The following GSDMC variants were observed in gnomAD, a reference collection of about 807,000 sequenced individuals.
GSDMC encodes the protein gasdermin-C.
In GSDMC, 59 loss-of-function variants were observed where a neutral mutation model predicts 58.0. The observed-to-expected ratio is 1.02, with a 90% CI of 0.82 to 1.26. The LOEUF is 1.26. Ranked by LOEUF, GSDMC falls within the 50% of genes most tolerant of loss-of-function variation. GSDMC has a pLI of 0.00. For missense variants in GSDMC, 659 were observed against 598.5 expected (o/e 1.10, Z -1.06); for synonymous variants, 241 against 220.2 (o/e 1.09, Z -0.83).
chr8:129,753,991 A>G (rs2033329961), intron 6 of GSDMC, among the ~76,000 whole-genome samples: 1 of 152,232 alleles, frequency 6.6e-6, no homozygotes, highest in Admixed American at 6.5e-5. Context: ...AGAGCAGAAC[A>G]TAAGGTAAAT....
chr8:129,749,387 C>T (rs574500485), intron 13 of GSDMC, 65 bp downstream of exon 13: 5 of 1,152,584 alleles, frequency 4.3e-6, no homozygotes, highest in Non-Finnish European at 6.6e-6. Context: ...TCCTCAGAAT[C>T]ATTCTTCTTA....
chr8:129,751,976 C>A, intron 8 of GSDMC, 85 bp from the exon 9 acceptor site: 1 of 1,474,314 alleles, frequency 6.8e-7, no homozygotes, highest in Non-Finnish European at 9.5e-7. Context: ...CTGAACCACT[C>A]TTCTCTATCT....
the GSDMC span, among the ~76,000 whole-genome samples, chr8:129,726,547 C>A: frequency 7.9e-5 from 12 of 152,282 alleles, no homozygotes; most frequent in African/African-American, 2.4e-4. Flanking sequence ...TAGTCACTGT[C>A]ATTTTATAGA....
At chr8:129,755,264 C>G (rs1345275161) in intron 6 of GSDMC, among the ~76,000 whole-genome samples, 1 of 152,068 alleles carries the variant, frequency 6.6e-6, no homozygotes, top group Non-Finnish European at 1.5e-5. Context: ...ATATGTCTGG[C>G]AGCAGACTTT....
the GSDMC span, among the ~76,000 whole-genome samples, chr8:129,708,746 G>A: frequency 5.3e-5 from 8 of 152,380 alleles, no homozygotes; most frequent in South Asian, 4.1e-4. Context: ...TGGGAATGCC[G>A]TCCTTAACTA....
chr8:129,750,155 T>A (rs2033124360), intron 11 of GSDMC, 36 bp from the exon 12 acceptor site: 1 of 1,437,452 alleles, frequency 7.0e-7, no homozygotes, highest in Non-Finnish European at 9.4e-7. Context: ...ATAATAATAC[T>A]AATAACAGTA....
In GSDMC at chr8:129,748,707, G is replaced by T; in HGVS notation, c.1321C>A (p.Pro441Thr). Reference sequence around the variant, plus strand: ...TTGAGGGTGAAGGGAATGCTCCAGGGGTATCTGAAGTTTGGCTCCAGGATG... The same window carrying T: ...TTGAGGGTGAAGGGAATGCTCCAGGTGTATCTGAAGTTTGGCTCCAGGATG... ...RSILEPNFRY[P>T]WSIPFTLKPE... is the part of the protein sequence containing the mutation. The change falls in exon 14 of 14, where the codon CCC becomes ACC. Residue 441 changes from proline to threonine, a missense_variant. Pro to Thr is a conservative substitution (Grantham distance 38). Transcript: ENST00000276708. The T allele has an allele frequency of 4.5e-6, 7 of 1,553,266 alleles. No individual in the cohort carries two copies. The highest frequency in any genetic ancestry group is 6.1e-6 in the Non-Finnish European group (7 of 1,152,040).
the GSDMC span, among the ~76,000 whole-genome samples, chr8:129,709,597 T>C: frequency 1.5e-5 from 2 of 131,042 alleles, no homozygotes; most frequent in East Asian, 2.2e-4. Flanking sequence ...AGATGATAGA[T>C]AGATAGATAG....
chr8:129,728,766 A>C, the GSDMC span: 1 of 506,366 alleles, frequency 2.0e-6, no homozygotes, highest in South Asian at 2.0e-5. Flanking sequence ...AAACTTGCCG[A>C]GGGCTCTGCC....
At chr8:129,715,524 C>T in the GSDMC span, among the ~76,000 whole-genome samples, 2 of 152,074 alleles carry the variant, frequency 1.3e-5, no homozygotes, top group African/African-American at 4.8e-5. Flanking sequence ...ACCCTGAGTA[C>T]AAGTAGTGAA....
At chr8:129,773,122 A>G (rs1045432266) in intron 3 of GSDMC, among the ~76,000 whole-genome samples, 5 of 152,226 alleles carry the variant, frequency 3.3e-5, no homozygotes, top group Admixed American at 1.3e-4. Flanking sequence ...ACCTTAACAT[A>G]ATGAAGGCTA....
At chr8:129,773,418 C>A (rs1220241056) in intron 3 of GSDMC, among the ~76,000 whole-genome samples, 1 of 152,158 alleles carries the variant, frequency 6.6e-6, no homozygotes. Context: ...TAAATGCAGT[C>A]AAGTTGCTGG....
At chr8:129,711,088 A>G in the GSDMC span, among the ~76,000 whole-genome samples, 1 of 152,222 alleles carries the variant, frequency 6.6e-6, no homozygotes, top group Non-Finnish European at 1.5e-5. Flanking sequence ...ATTTGTTTAC[A>G]TTTGATTAGG....
the GSDMC span, among the ~76,000 whole-genome samples, chr8:129,716,104 C>T: frequency 6.6e-6 from 1 of 152,072 alleles, no homozygotes. Context: ...AAGGAAACAA[C>T]ATATGGGCAA....
intron 3 of GSDMC, among the ~76,000 whole-genome samples, chr8:129,771,139 C>A (rs572750357): frequency 1.8e-3 from 269 of 151,208 alleles, no homozygotes; most frequent in African/African-American, 6.2e-3. Context: ...TATAAATATG[C>A]ACCAAACATC....
the GSDMC span, among the ~76,000 whole-genome samples, chr8:129,741,295 T>C: frequency 6.6e-6 from 1 of 152,200 alleles, no homozygotes; most frequent in African/African-American, 2.4e-5. Context: ...TCCAGTTTTG[T>C]TATTTTAACT....
the GSDMC span, among the ~76,000 whole-genome samples, chr8:129,733,479 A>G: frequency 2.6e-5 from 4 of 152,222 alleles, no homozygotes; most frequent in South Asian, 6.2e-4. Flanking sequence ...AGGATCAGGC[A>G]GCAATATTTG....
At chr8:129,763,189 G>T (rs2033735663) in intron 4 of GSDMC, among the ~76,000 whole-genome samples, 1 of 152,170 alleles carries the variant, frequency 6.6e-6, no homozygotes, top group African/African-American at 2.4e-5. Flanking sequence ...CTCCAGAGGA[G>T]ATGGGGGACA....
chr8:129,714,994 A>G, the GSDMC span, among the ~76,000 whole-genome samples: 5 of 152,248 alleles, frequency 3.3e-5, no homozygotes, highest in Non-Finnish European at 4.4e-5. Context: ...ACCAAGGGTA[A>G]GGTTAAAATG....
Sources: allele counts gnomAD v4.1 joint callset (sites outside exome capture counted in the v4.1 genomes callset), GRCh38; gene constraint gnomAD v4.1.1; transcripts MANE v1.5; gene names NCBI Gene and HGNC (gene_info 2026-07-23, HGNC 2026-07-21).